The following VXN variants were observed in gnomAD, a reference collection of about 807,000 sequenced individuals.
VXN encodes vexin.
A neutral mutation model predicts 23.1 loss-of-function variants in VXN; 7 were observed. That is an observed-to-expected ratio of 0.30 (90% CI 0.17 to 0.57). The LOEUF is 0.57. VXN is among the 20% of genes least tolerant of loss of function. VXN has a pLI of 0.91. For missense variants in VXN, 238 were observed against 272.6 expected, an observed-to-expected ratio of 0.87 and a Z score of 0.89; for synonymous variants, 120 against 105.8, an observed-to-expected ratio of 1.13 and a Z score of -0.83.
intron 2 of VXN, among the ~76,000 whole-genome samples, chr8:66,499,192 C>T (rs183482980): frequency 6.9e-6 from 1 of 144,336 alleles, no homozygotes; most frequent in Admixed American, 7.0e-5. Flanking sequence ...GAGCCTGACA[C>T]ATATAAGCAT....
At chr8:66,510,334 A>C in intron 4 of VXN, 177 bp downstream of exon 4, 2 of 570,650 alleles carry the variant, frequency 3.5e-6, no homozygotes, top group East Asian at 3.1e-5. Context: ...CCTAATTTGT[A>C]CCCTTGTGGA....
chr8:66,512,989 C>T (rs1411263555), intron 4 of VXN, among the ~76,000 whole-genome samples: 1 of 152,170 alleles, frequency 6.6e-6, no homozygotes, highest in African/African-American at 2.4e-5. Flanking sequence ...TATGCTTCTA[C>T]AGTCCAAGGA....
At chr8:66,501,733 T>C (rs1563506331) in intron 2 of VXN, among the ~76,000 whole-genome samples, 1 of 152,110 alleles carries the variant, frequency 6.6e-6, no homozygotes. Context: ...ACACAGACCA[T>C]TCAAATTAGA....
chr8:66,502,025 T>C (rs1807697330), intron 2 of VXN, among the ~76,000 whole-genome samples: 1 of 152,240 alleles, frequency 6.6e-6, no homozygotes. Context: ...ACCATGTGAA[T>C]GGATGTCAGG....
rs35689084 is a variant in VXN at position 66,512,065 on chromosome 8, C to CAAAAA, written c.343-1461_343-1457dup. Among the ~76,000 whole-genome samples, 265 of 68,314 alleles carry CAAAAA rather than the reference C, an allele frequency of 3.9e-3. 2 individuals carry two copies. The highest frequency in any genetic ancestry group is 0.014 in the African/African-American group (250 of 18,364). The allele number at this position is 68,314 out of a possible 152,430, so 44.8% of individuals were successfully genotyped here. A position where few individuals can be genotyped will look rare whatever the true frequency, so the allele number is the denominator to read the frequency against. On this transcript the variant is annotated intron_variant, in intron 4 of 5. Coordinates refer to ENST00000305454, the MANE Select transcript of VXN (RefSeq NM_152765.4). ...GGGAAACAAGAGTGAAACTCAGTTT[C>CAAAAA]AAAAAAAAAAAAAAAAAAGAATGAA...
At chr8:66,504,655 C>T (rs992324356) in intron 2 of VXN, among the ~76,000 whole-genome samples, 1 of 152,120 alleles carries the variant, frequency 6.6e-6, no homozygotes, top group Admixed American at 6.6e-5. Flanking sequence ...AGTATAACTA[C>T]TCAGCAGGTG....
chr8:66,498,014 A>G (rs563901169), intron 2 of VXN, among the ~76,000 whole-genome samples: 129 of 152,218 alleles, frequency 8.5e-4, no homozygotes, highest in African/African-American at 2.9e-3. Flanking sequence ...CTAAAAATAC[A>G]AAAATTAGTT....
chr8:66,506,387 G>A, intron 3 of VXN, among the ~76,000 whole-genome samples: 1 of 151,354 alleles, frequency 6.6e-6, no homozygotes, highest in Non-Finnish European at 1.5e-5. Context: ...CTTGAAAACT[G>A]GAAACATTAT....
chr8:66,496,412 C>A, intron 1 of VXN, 25 bp from the exon 2 acceptor site: 1 of 1,612,824 alleles, frequency 6.2e-7, no homozygotes, highest in Non-Finnish European at 8.5e-7. Flanking sequence ...TGTCTAAAAC[C>A]ATTTCTTTCT....
chr8:66,506,508 G>T (rs1807761504), intron 3 of VXN, among the ~76,000 whole-genome samples: 1 of 151,726 alleles, frequency 6.6e-6, no homozygotes. Flanking sequence ...TTTAATTGCT[G>T]GTTTAGGTTA....
Position 66,510,336 on chromosome 8 carries a change from C to T in VXN, c.342+179C>T, listed in dbSNP as rs112072686. 600 of 572,456 alleles carry T rather than the reference C, an allele frequency of 1.0e-3. 5 individuals are homozygous for T. Among genetic ancestry groups the T allele is most frequent in the African/African-American group, 9.7e-3 (505 of 51,842 alleles). 35.5% of individuals were successfully genotyped at this position (572,456 alleles called of 1,614,324 possible). On this transcript the variant is annotated intron_variant, in intron 4 of 5. Coordinates refer to ENST00000305454, the MANE Select transcript of VXN (RefSeq NM_152765.4). The stretch of plus-strand genomic sequence containing the variant: ...GCTCTCAGTTGGCCCTAATTTGTAC[C>T]CTTGTGGAATATCCCTGGCTGCTTC...
intron 2 of VXN, among the ~76,000 whole-genome samples, chr8:66,500,061 A>G (rs900633939): frequency 2.0e-5 from 3 of 152,144 alleles, no homozygotes; most frequent in Non-Finnish European, 4.4e-5. Context: ...ATAATACAAC[A>G]TTGTATGAAT....
chr8:66,514,522 A>G (rs1043536075), intron 5 of VXN, among the ~76,000 whole-genome samples: 7 of 151,866 alleles, frequency 4.6e-5, no homozygotes, highest in East Asian at 1.9e-4. Flanking sequence ...TGCAACCTCT[A>G]CCTCCGGGGT....
At chr8:66,507,504 G>A (rs1295259688) in intron 3 of VXN, among the ~76,000 whole-genome samples, 1 of 152,192 alleles carries the variant, frequency 6.6e-6, no homozygotes, top group Non-Finnish European at 1.5e-5. Flanking sequence ...TGATTCCCTA[G>A]CTAGTGCCTC....
intron 2 of VXN, 103 bp downstream of exon 2, chr8:66,496,595 G>A (rs1170041980): frequency 9.3e-7 from 1 of 1,075,186 alleles, no homozygotes; most frequent in East Asian, 2.4e-5. Context: ...TGGCCAGGAG[G>A]GTTTCAGTGT....
At chr8:66,504,441 C>T (rs1807725181) in intron 2 of VXN, among the ~76,000 whole-genome samples, 2 of 146,308 alleles carry the variant, frequency 1.4e-5, no homozygotes, top group Non-Finnish European at 3.0e-5. Context: ...CAGTGTCCTG[C>T]CTATGTATAA....
intron 2 of VXN, among the ~76,000 whole-genome samples, chr8:66,499,069 A>G (rs1807658790): frequency 6.6e-6 from 1 of 152,036 alleles, no homozygotes; most frequent in African/African-American, 2.4e-5. Flanking sequence ...CTCAAGAACC[A>G]TGGGAAGGAG....
At chr8:66,505,278 G>A (rs1807736425) in intron 2 of VXN, 97 bp from the exon 3 acceptor site, 2 of 1,466,548 alleles carry the variant, frequency 1.4e-6, no homozygotes, top group Middle Eastern at 1.7e-4. Context: ...AAACTCCCTC[G>A]ATGCGAGCTC....
At chr8:66,513,422 G>C (rs1807847662) in intron 4 of VXN, 118 bp from the exon 5 acceptor site, 1 of 853,180 alleles carries the variant, frequency 1.2e-6, no homozygotes, top group Non-Finnish European at 2.0e-6. Context: ...TGAATGATGA[G>C]GACTATGCCC....
Sources: gnomAD v4.1 joint callset for allele counts (sites outside exome capture counted in the v4.1 genomes callset) on GRCh38, gnomAD v4.1.1 for gene constraint, MANE v1.5 for transcripts, NCBI Gene and HGNC (gene_info 2026-07-23, HGNC 2026-07-21) for gene names.